The following PCDH15 variants were observed in gnomAD, a reference collection of about 807,000 sequenced individuals.
PCDH15 encodes the protein protocadherin related 15, also known as protocadherin-15.
In PCDH15, 129 loss-of-function variants were observed where a neutral mutation model predicts 178.5. The ratio of observed to expected loss-of-function variants is 0.72; its 90% confidence interval spans 0.63 to 0.84. PCDH15 has a LOEUF of 0.84. Among genes scored for constraint, PCDH15 ranks in the 40% least tolerant of loss-of-function variants. The probability of loss-of-function intolerance (pLI) is 0.00; values close to 1 mark genes in which losing one functional copy is unlikely to be tolerated. For missense variants in PCDH15, 2,230 were observed against 2,099.9 expected, an observed-to-expected ratio of 1.06 and a Z score of -1.21; for synonymous variants, 800 against 732.0, an observed-to-expected ratio of 1.09 and a Z score of -1.50.
chr10:54,886,735 G>C (rs1156570848), intron 3 of PCDH15, among the ~76,000 whole-genome samples: 1 of 152,238 alleles, frequency 6.6e-6, no homozygotes, highest in East Asian at 1.9e-4. Flanking sequence ...CTAGGCGACA[G>C]AGCCAGACTC....
intron 2 of PCDH15, among the ~76,000 whole-genome samples, chr10:55,385,791 C>A (rs1277764299): frequency 2.8e-5 from 4 of 143,742 alleles, no homozygotes; most frequent in Non-Finnish European, 4.5e-5. Context: ...ATGCATATCT[C>A]TGTATATAGA....
At chr10:54,099,063 T>C (rs2094755045) in intron 15 of PCDH15, among the ~76,000 whole-genome samples, 1 of 152,296 alleles carries the variant, frequency 6.6e-6, no homozygotes, top group African/African-American at 2.4e-5. Context: ...TTCTAACTAG[T>C]TAGATTTCTC....
At position 54,004,509 on chromosome 10, in the gene PCDH15, G is replaced by A. The variant is rs188077567; in HGVS notation, c.2752-8744C>T. Among the ~76,000 whole-genome samples, 170 of 151,590 alleles carry A rather than the reference G, an allele frequency of 1.1e-3. 2 individuals carry two copies. The highest frequency in any genetic ancestry group is 4.7e-3 in the Admixed American group (72 of 15,190). Reference sequence around the variant, plus strand: ...AGAAAAATCAGTAGCATTTCTATATGCCAACAGTGAACAATCCGCAAAAGA... The same window carrying A: ...AGAAAAATCAGTAGCATTTCTATATACCAACAGTGAACAATCCGCAAAAGA... On this transcript the variant is annotated intron_variant, in intron 20 of 37. Transcript: ENST00000644397.
chr10:54,369,971 A>G (rs1398707329), intron 4 of PCDH15, among the ~76,000 whole-genome samples: 1 of 152,058 alleles, frequency 6.6e-6, no homozygotes, highest in African/African-American at 2.4e-5. Flanking sequence ...AGCATAATGT[A>G]TCCAAGTAAT....
intron 6 of PCDH15, among the ~76,000 whole-genome samples, chr10:54,334,807 A>G (rs896458370): frequency 6.6e-6 from 1 of 152,136 alleles, no homozygotes; most frequent in African/African-American, 2.4e-5. Flanking sequence ...AAATGTAGAT[A>G]ATTACGATTT....
rs80273695 is a variant in PCDH15, at chr10:53,837,620, T to G, written c.3983+2700A>C. On this transcript the variant is annotated intron_variant, in intron 29 of 37. Coordinates refer to ENST00000644397, the MANE Select transcript of PCDH15 (RefSeq NM_001384140.1). ...AGGTGAAAGGAAATTGAAAGAACAC[T>G]TCCATTGACCTGGACCGGCATCTTA... Among the ~76,000 whole-genome samples, 453 of 152,206 alleles carry G rather than the reference T, an allele frequency of 3.0e-3. 21 individuals are homozygous for G. The East Asian group carries it at 0.074, about 25-fold the overall frequency.
intron 2 of PCDH15, among the ~76,000 whole-genome samples, chr10:55,424,235 G>T (rs1838695185): frequency 6.6e-6 from 1 of 152,056 alleles, no homozygotes; most frequent in Admixed American, 6.6e-5. Context: ...AATTGCTATT[G>T]GTGTGGTTGG....
chr10:55,232,039 T>A (rs1349926222), intron 1 of PCDH15, among the ~76,000 whole-genome samples: 2 of 152,010 alleles, frequency 1.3e-5, no homozygotes, highest in African/African-American at 4.8e-5. Flanking sequence ...TTATATAATT[T>A]GAAACAATTA....
At chr10:54,497,200 TA>T (rs2080203737) in intron 3 of PCDH15, among the ~76,000 whole-genome samples, 1 of 139,084 alleles carries the variant, frequency 7.2e-6, no homozygotes, top group Non-Finnish European at 1.6e-5. Context: ...CCTGAAAGCA[TA>T]AAGAAAGAAA....
intron 20 of PCDH15, among the ~76,000 whole-genome samples, chr10:54,019,013 A>C (rs2092828759): frequency 6.6e-6 from 1 of 152,088 alleles, no homozygotes; most frequent in Non-Finnish European, 1.5e-5. Flanking sequence ...TATACTCTAT[A>C]GGCTTCTTTG....
intron 23 of PCDH15, among the ~76,000 whole-genome samples, chr10:53,943,398 C>A (rs2086242122): frequency 6.6e-6 from 1 of 151,938 alleles, no homozygotes; most frequent in Non-Finnish European, 1.5e-5. Context: ...ATTGCTTGAA[C>A]CTGGGAGGCG....
chr10:55,510,656 T>C (rs1262359782), intron 2 of PCDH15, among the ~76,000 whole-genome samples: 1 of 151,862 alleles, frequency 6.6e-6, no homozygotes, highest in Non-Finnish European at 1.5e-5. Flanking sequence ...AAAAAACTGT[T>C]TAAAATTCAA....
At chr10:53,945,802 T>C (rs2086493627) in intron 23 of PCDH15, among the ~76,000 whole-genome samples, 1 of 145,878 alleles carries the variant, frequency 6.9e-6, no homozygotes, top group Admixed American at 6.9e-5. Context: ...AATAAAAGAA[T>C]TCCCTTCATT....
chr10:54,775,903 T>C (rs2133330904), intron 1 of PCDH15, among the ~76,000 whole-genome samples: 1 of 151,752 alleles, frequency 6.6e-6, no homozygotes, highest in African/African-American at 2.4e-5. Flanking sequence ...AACAAACACA[T>C]AAAAAAAACA....
intron 3 of PCDH15, among the ~76,000 whole-genome samples, chr10:54,837,346 G>A (rs1391299158): frequency 6.6e-6 from 1 of 152,010 alleles, no homozygotes; most frequent in Non-Finnish European, 1.5e-5. Flanking sequence ...AGGGACACAT[G>A]TCCCCATATA....
intron 6 of PCDH15, among the ~76,000 whole-genome samples, chr10:54,334,548 T>G (rs1343871103): frequency 6.6e-6 from 1 of 152,182 alleles, no homozygotes; most frequent in Admixed American, 6.5e-5. Flanking sequence ...GCTGATAGAT[T>G]TGGTCATTCA....
chr10:54,736,619 T>C (rs989656931), intron 1 of PCDH15, among the ~76,000 whole-genome samples: 2 of 152,122 alleles, frequency 1.3e-5, no homozygotes, highest in African/African-American at 4.8e-5. Flanking sequence ...CAGTTGTGTG[T>C]AGTTTTTGTA....
At chr10:55,358,207 A>G (rs922746911) in intron 2 of PCDH15, among the ~76,000 whole-genome samples, 1 of 152,166 alleles carries the variant, frequency 6.6e-6, no homozygotes, top group East Asian at 1.9e-4. Flanking sequence ...GAGGATGATA[A>G]TGCAAAACAG....
At chr10:55,109,739 C>T (rs1391030726) in intron 2 of PCDH15, among the ~76,000 whole-genome samples, 1 of 151,914 alleles carries the variant, frequency 6.6e-6, no homozygotes, top group Non-Finnish European at 1.5e-5. Flanking sequence ...ATTTTTGATT[C>T]ATTCAGTAAT....
Sources: gnomAD v4.1 joint callset for allele counts (sites outside exome capture counted in the v4.1 genomes callset) on GRCh38, gnomAD v4.1.1 for gene constraint, MANE v1.5 for transcripts, NCBI Gene and HGNC (gene_info 2026-07-23, HGNC 2026-07-21) for gene names.